The following AGBL1 variants were observed in gnomAD, a reference collection of about 807,000 sequenced individuals.
The protein encoded by AGBL1 is cytosolic carboxypeptidase 4.
In AGBL1, 130 loss-of-function variants were observed where a neutral mutation model predicts 118.9. That is an observed-to-expected ratio of 1.09 (90% CI 0.95 to 1.26). The LOEUF (loss-of-function observed/expected upper bound fraction) is 1.26, where lower values mean the gene tolerates loss of function less well. AGBL1 is among the 50% of genes most tolerant of loss of function. AGBL1 has a pLI of 0.00. For missense variants in AGBL1, 1,584 were observed against 1,298.1 expected, an observed-to-expected ratio of 1.22 and a Z score of -3.38; for synonymous variants, 555 against 478.9, an observed-to-expected ratio of 1.16 and a Z score of -2.08.
At chr15:86,857,250 C>A (rs1465015578) in intron 22 of AGBL1, among the ~76,000 whole-genome samples, 1 of 152,186 alleles carries the variant, frequency 6.6e-6, no homozygotes, top group Non-Finnish European at 1.5e-5. Context: ...TACGTGTCAA[C>A]CACAGTGAAC....
intron 5 of AGBL1, among the ~76,000 whole-genome samples, chr15:86,186,136 C>T (rs764914065): frequency 9.2e-5 from 14 of 151,834 alleles, no homozygotes; most frequent in African/African-American, 9.7e-5. Context: ...GAAAATATCA[C>T]GCGTTCTGTT....
chr15:86,431,158 A>C (rs928199123), intron 18 of AGBL1, among the ~76,000 whole-genome samples: 4 of 151,972 alleles, frequency 2.6e-5, no homozygotes, highest in African/African-American at 9.7e-5. Context: ...GATGAACCTC[A>C]CTTCCCAGAA....
intron 18 of AGBL1, among the ~76,000 whole-genome samples, chr15:86,503,279 G>C (rs1013137210): frequency 6.6e-6 from 1 of 151,304 alleles, no homozygotes; most frequent in South Asian, 2.1e-4. Context: ...AAGGTCATTA[G>C]TAATGTTCCC....
At chr15:86,923,386 G>A (rs992162293) in intron 23 of AGBL1, among the ~76,000 whole-genome samples, 5 of 152,162 alleles carry the variant, frequency 3.3e-5, no homozygotes, top group Non-Finnish European at 7.3e-5. Flanking sequence ...TTCAGGCAGA[G>A]TGGCCTATTC....
intron 5 of AGBL1, among the ~76,000 whole-genome samples, chr15:86,183,907 C>T (rs1226164814): frequency 6.6e-6 from 1 of 152,130 alleles, no homozygotes; most frequent in African/African-American, 2.4e-5. Flanking sequence ...GATCAAGAGT[C>T]AATGAGGCAG....
At chr15:86,239,334 A>G (rs1310526753) in intron 6 of AGBL1, among the ~76,000 whole-genome samples, 2 of 152,248 alleles carry the variant, frequency 1.3e-5, no homozygotes, top group Non-Finnish European at 2.9e-5. Context: ...AAAGTACCCG[A>G]AAGCTAATTC....
intron 17 of AGBL1, among the ~76,000 whole-genome samples, chr15:86,357,676 G>C (rs1441739190): frequency 1.3e-5 from 2 of 151,894 alleles, no homozygotes; most frequent in East Asian, 3.9e-4. Context: ...ATCTTCTCCA[G>C]GGCACTTTCT....
At chr15:86,757,897 A>G (rs1178419682) in intron 22 of AGBL1, among the ~76,000 whole-genome samples, 1 of 152,132 alleles carries the variant, frequency 6.6e-6, no homozygotes, top group African/African-American at 2.4e-5. Context: ...TTTAAAATGT[A>G]AGACAAGTGA....
intron 21 of AGBL1, among the ~76,000 whole-genome samples, chr15:86,654,351 G>A (rs2085427591): frequency 6.6e-6 from 1 of 152,082 alleles, no homozygotes; most frequent in Non-Finnish European, 1.5e-5. Flanking sequence ...GAGTGTAGAA[G>A]CTTCCAATTT....
intron 21 of AGBL1, among the ~76,000 whole-genome samples, chr15:86,604,174 C>G (rs904889498): frequency 2.0e-5 from 3 of 151,864 alleles, no homozygotes; most frequent in Non-Finnish European, 4.4e-5. Flanking sequence ...AGGGGAGCAA[C>G]AAAAACTCAA....
intron 22 of AGBL1, among the ~76,000 whole-genome samples, chr15:86,710,729 C>A (rs1232549535): frequency 2.6e-5 from 4 of 152,084 alleles, no homozygotes; most frequent in African/African-American, 9.7e-5. Context: ...TGGCAATAGA[C>A]AATGGGTGCC....
intron 5 of AGBL1, among the ~76,000 whole-genome samples, chr15:86,179,290 C>A (rs910894353): frequency 6.6e-6 from 1 of 152,164 alleles, no homozygotes; most frequent in South Asian, 2.1e-4. Context: ...ACACCAATAT[C>A]TTTTAAGAAC....
At chr15:86,880,185 A>T (rs2079870759) in intron 22 of AGBL1, among the ~76,000 whole-genome samples, 1 of 152,186 alleles carries the variant, frequency 6.6e-6, no homozygotes, top group Non-Finnish European at 1.5e-5. Context: ...TCTCAGCTTT[A>T]GGTACCAATA....
In AGBL1 at chr15:86,452,982, C is replaced by T. The variant is rs560451402; in HGVS notation, c.2555+55436C>T. Among the ~76,000 whole-genome samples the T allele has an allele frequency of 1.5e-3, 231 of 152,326 alleles. 1 individual carries two copies. The highest frequency in any genetic ancestry group is 5.4e-3 in the African/African-American group (225 of 41,576). Reference sequence around the variant, plus strand: ...GTCTGATATTATAAAGTGCTTTCTACATAGCACATCCTATATGCCTTACCC... The same window carrying T: ...GTCTGATATTATAAAGTGCTTTCTATATAGCACATCCTATATGCCTTACCC... On this transcript the variant is annotated intron_variant, in intron 18 of 22. Transcript: ENST00000614907.
At chr15:86,894,735 G>C (rs2080098493) in intron 22 of AGBL1, among the ~76,000 whole-genome samples, 1 of 152,168 alleles carries the variant, frequency 6.6e-6, no homozygotes, top group Admixed American at 6.6e-5. Context: ...TCTTACCACT[G>C]CCAGTCATAT....
At chr15:86,137,665 T>C (rs1411257696) in intron 1 of AGBL1, among the ~76,000 whole-genome samples, 1 of 152,178 alleles carries the variant, frequency 6.6e-6, no homozygotes, top group African/African-American at 2.4e-5. Context: ...TCAGGTTTTC[T>C]ATTTCTGATC....
chr15:86,382,133 C>A (rs74027530), intron 17 of AGBL1, among the ~76,000 whole-genome samples: 1 of 151,942 alleles, frequency 6.6e-6, no homozygotes, highest in African/African-American at 2.4e-5. Flanking sequence ...GGGTACCTTC[C>A]CCACATCAGT....
chr15:86,659,310 A>C (rs1439393368), intron 21 of AGBL1, among the ~76,000 whole-genome samples: 1 of 152,186 alleles, frequency 6.6e-6, no homozygotes, highest in Non-Finnish European at 1.5e-5. Flanking sequence ...GCCATTAATA[A>C]AAAGAATATC....
chr15:86,547,770 C>A (rs899787177), intron 20 of AGBL1, among the ~76,000 whole-genome samples: 4 of 152,154 alleles, frequency 2.6e-5, no homozygotes, highest in African/African-American at 9.7e-5. Flanking sequence ...CTGAGCCTCA[C>A]TTTTCTCCCT....
Sources: gnomAD v4.1 joint callset for allele counts (sites outside exome capture counted in the v4.1 genomes callset) on GRCh38, gnomAD v4.1.1 for gene constraint, MANE v1.5 for transcripts, NCBI Gene and HGNC (gene_info 2026-07-23, HGNC 2026-07-21) for gene names.